Variants in MECOM observed in about 807,000 individuals in gnomAD.
MECOM encodes the protein histone-lysine N-methyltransferase MECOM.
A neutral mutation model predicts 116.3 loss-of-function variants in MECOM; 13 were observed. The observed-to-expected ratio is 0.11, with a 90% CI of 0.07 to 0.18. The LOEUF (loss-of-function observed/expected upper bound fraction) is 0.18, where lower values mean the gene tolerates loss of function less well. Among genes scored for constraint, MECOM ranks in the 10% least tolerant of loss-of-function variants. MECOM has a pLI of 1.00. For missense variants in MECOM, 1,299 were observed against 1,509.0 expected (o/e 0.86, Z 2.31); for synonymous variants, 528 against 535.2 (o/e 0.99, Z 0.19).
chr3:169,289,649 G>A (rs1323215233), intron 2 of MECOM, among the ~76,000 whole-genome samples: 1 of 152,100 alleles, frequency 6.6e-6, no homozygotes, highest in Non-Finnish European at 1.5e-5. Context: ...TTTGTATTAG[G>A]CCAATGGAGA....
chr3:169,599,596 A>G (rs1049876323), intron 1 of MECOM, among the ~76,000 whole-genome samples: 6 of 152,174 alleles, frequency 3.9e-5, no homozygotes, highest in African/African-American at 1.4e-4. Flanking sequence ...ACTTTTAGAC[A>G]AGAATAAGCT....
At chr3:169,104,369 C>T (rs1724630249) in intron 10 of MECOM, among the ~76,000 whole-genome samples, 1 of 152,100 alleles carries the variant, frequency 6.6e-6, no homozygotes, top group Admixed American at 6.6e-5. Flanking sequence ...TGCATTTATT[C>T]CTTCTAATTG....
At chr3:169,218,003 T>G (rs1751630163) in intron 2 of MECOM, among the ~76,000 whole-genome samples, 1 of 151,734 alleles carries the variant, frequency 6.6e-6, no homozygotes, top group Non-Finnish European at 1.5e-5. Flanking sequence ...ATTAAATATT[T>G]TAATAGCTCT....
chr3:169,454,827 A>G (rs1450338475), intron 1 of MECOM, among the ~76,000 whole-genome samples: 1 of 152,182 alleles, frequency 6.6e-6, no homozygotes, highest in African/African-American at 2.4e-5. Flanking sequence ...TCAAATAATA[A>G]TAAGTCCCAT....
rs868724045 is a variant in MECOM at position 169,172,407 on chromosome 3, A to G, written c.376-28575T>C. On this transcript the variant is annotated intron_variant, in intron 2 of 16. Transcript: ENST00000651503. The stretch of plus-strand genomic sequence containing the variant: ...CATTTACTTCCGCAGGTACCCTTGT[A>G]TGTGTGTGTGTGTGTGTGTGTGTGT... Among the ~76,000 whole-genome samples the G allele has an allele frequency of 9.1e-3, 1,311 of 144,464 alleles. 11 individuals carry two copies. The highest frequency in any genetic ancestry group is 0.024 in the African/African-American group (942 of 38,488). The allele number at this position is 144,464 out of a possible 152,430, so 94.8% of individuals were successfully genotyped here. A position where few individuals can be genotyped will look rare whatever the true frequency, so the allele number is the denominator to read the frequency against.
chr3:169,519,931 C>T (rs1472116659), intron 1 of MECOM, among the ~76,000 whole-genome samples: 5 of 152,246 alleles, frequency 3.3e-5, no homozygotes, highest in Non-Finnish European at 7.3e-5. Context: ...AGCACATGGC[C>T]TATGCCTGGC....
chr3:169,541,261 C>T (rs527362729), intron 1 of MECOM, among the ~76,000 whole-genome samples: 4 of 152,300 alleles, frequency 2.6e-5, no homozygotes, highest in East Asian at 1.9e-4. Context: ...TCATGAAACA[C>T]ACAAAGGGAG....
At chr3:169,436,836 A>G (rs1305615432) in intron 1 of MECOM, among the ~76,000 whole-genome samples, 1 of 152,162 alleles carries the variant, frequency 6.6e-6, no homozygotes, top group Admixed American at 6.5e-5. Context: ...TTTTATTCTC[A>G]ATAAGTTTTT....
intron 1 of MECOM, among the ~76,000 whole-genome samples, chr3:169,555,585 T>A (rs764410408): frequency 5.9e-5 from 9 of 151,954 alleles, no homozygotes; most frequent in African/African-American, 2.2e-4. Context: ...AAGGAAAAAA[T>A]CAAGTCTCAA....
chr3:169,292,193 AT>A (rs986023228), intron 2 of MECOM, among the ~76,000 whole-genome samples: 1 of 152,036 alleles, frequency 6.6e-6, no homozygotes, highest in African/African-American at 2.4e-5. Context: ...AAATTCGAAA[AT>A]TAGCTGGGCA....
At chr3:169,317,565 A>G (rs944727251) in intron 2 of MECOM, among the ~76,000 whole-genome samples, 20 of 152,206 alleles carry the variant, frequency 1.3e-4, no homozygotes, top group African/African-American at 4.3e-4. Flanking sequence ...AATTACTTCA[A>G]GAAACGAAAT....
At chr3:169,538,508 A>G (rs910567559) in intron 1 of MECOM, among the ~76,000 whole-genome samples, 2 of 152,238 alleles carry the variant, frequency 1.3e-5, no homozygotes, top group African/African-American at 4.8e-5. Flanking sequence ...TTTGCAAAAC[A>G]GAGACTGTAA....
chr3:169,420,602 C>A (rs937550317), intron 1 of MECOM, among the ~76,000 whole-genome samples: 1 of 152,086 alleles, frequency 6.6e-6, no homozygotes, highest in Non-Finnish European at 1.5e-5. Flanking sequence ...CCTCCACGGA[C>A]ACAATTATAG....
chr3:169,147,754 A>T, intron 2 of MECOM: 63 of 873,492 alleles, frequency 7.2e-5, no homozygotes, highest in East Asian at 1.3e-4. Context: ...GTGTGTGTGC[A>T]TGTGTGTGTG....
At chr3:169,288,191 G>T (rs1008528592) in intron 2 of MECOM, among the ~76,000 whole-genome samples, 2 of 151,608 alleles carry the variant, frequency 1.3e-5, no homozygotes, top group Admixed American at 6.6e-5. Flanking sequence ...TTACACTTGG[G>T]GGGTAGGGGG....
intron 1 of MECOM, among the ~76,000 whole-genome samples, chr3:169,405,416 TA>T (rs1203285624): frequency 6.6e-6 from 1 of 151,970 alleles, no homozygotes. Flanking sequence ...TAATCCAAGC[TA>T]AAAAAAAGAA....
rs374512221 is a variant in MECOM at position 169,492,392 on chromosome 3, G to A, written c.38-110868C>T. Among the ~76,000 whole-genome samples the A allele has an allele frequency of 3.3e-5, 5 of 152,102 alleles. No individual in the cohort carries two copies. The East Asian group carries it at 5.8e-4, about 18-fold the overall frequency. On this transcript the variant is annotated intron_variant, in intron 1 of 16. Coordinates refer to ENST00000651503, the MANE Select transcript of MECOM (RefSeq NM_004991.4). ...GCTCAATTCCAAAGCCATTATTATAGGTTTGGCCAACCTCAGGACTTGTCA... is the reference window on the plus strand; with the variant it reads ...GCTCAATTCCAAAGCCATTATTATAAGTTTGGCCAACCTCAGGACTTGTCA...
intron 2 of MECOM, among the ~76,000 whole-genome samples, chr3:169,175,857 G>A (rs912258758): frequency 1.3e-5 from 2 of 151,990 alleles, no homozygotes; most frequent in African/African-American, 4.8e-5. Flanking sequence ...CAAACATCTC[G>A]ACATGGCTTT....
Position 169,089,990 on chromosome 3 carries a change from A to C in MECOM, c.3401+10T>G, listed in dbSNP as rs777142017. 6.2e-6 allele frequency: 10 copies of C among 1,610,680 alleles called. No homozygotes were observed. Among genetic ancestry groups the C allele is most frequent in the Middle Eastern group, 1.7e-4 (1 of 6,036 alleles). Reference sequence around the variant, plus strand: ...CTAGCTTAGTTTCTAAAGTCACCCAAGGTACTCACCTCACTGGGGATGTCT... The same window carrying C: ...CTAGCTTAGTTTCTAAAGTCACCCACGGTACTCACCTCACTGGGGATGTCT... On this transcript the variant is annotated intron_variant, in intron 15 of 16. Coordinates refer to ENST00000651503, the MANE Select transcript of MECOM (RefSeq NM_004991.4).
Sources: gnomAD v4.1 joint callset for allele counts (sites outside exome capture counted in the v4.1 genomes callset) on GRCh38, gnomAD v4.1.1 for gene constraint, MANE v1.5 for transcripts, NCBI Gene and HGNC (gene_info 2026-07-23, HGNC 2026-07-21) for gene names.